The following LRRC38 variants were observed in gnomAD, a reference collection of about 807,000 sequenced individuals.
The protein encoded by LRRC38 is leucine rich repeat containing 38, also known as leucine-rich repeat-containing protein 38.
Under a neutral mutation model 16.4 loss-of-function variants are expected in LRRC38, and 5 were observed. The observed-to-expected ratio is 0.31, with a 90% confidence interval of 0.16 to 0.64. LRRC38 has a LOEUF of 0.64. LRRC38 is among the 30% of genes least tolerant of loss of function. LRRC38 has a pLI of 0.80. For missense variants in LRRC38, 341 were observed against 401.8 expected (o/e 0.85, Z 1.29); for synonymous variants, 191 against 190.2 (o/e 1.00, Z -0.04).
chr1:13,488,383 C>T (rs6678755), intron 1 of LRRC38, among the ~76,000 whole-genome samples: 123 of 151,834 alleles, frequency 8.1e-4, no homozygotes, highest in African/African-American at 2.5e-3. Flanking sequence ...GCAATTCTCC[C>T]GCCTCAGCCT....
rs1569917094 is a variant in LRRC38, at chr1:13,487,207, C to T, written c.632-11108G>A. 1.3e-5 allele frequency among the ~76,000 whole-genome samples: 2 copies of T among 152,202 alleles called. No homozygotes were observed. Among genetic ancestry groups the T allele is most frequent in the Non-Finnish European group, 2.9e-5 (2 of 68,038 alleles). Reference sequence around the variant, plus strand: ...AGTCAGAGTTGGCTTCTGTTGTTTACGCTCAAGATACCCAACCGATGGATT... The same window carrying T: ...AGTCAGAGTTGGCTTCTGTTGTTTATGCTCAAGATACCCAACCGATGGATT... On this transcript the variant is annotated intron_variant, in intron 1 of 1. Transcript: ENST00000376085. The surrounding 1 kb of genome is among the most constrained non-coding windows in gnomAD (Gnocchi z 4.4).
At chr1:13,495,646 A>G (rs1277622952) in intron 1 of LRRC38, among the ~76,000 whole-genome samples, 1 of 152,068 alleles carries the variant, frequency 6.6e-6, no homozygotes, top group Non-Finnish European at 1.5e-5. Flanking sequence ...CTGGGCAGAA[A>G]TCCCACCCAA....
chr1:13,495,748 G>C (rs891055605), intron 1 of LRRC38, among the ~76,000 whole-genome samples: 3 of 152,008 alleles, frequency 2.0e-5, no homozygotes, highest in Admixed American at 1.3e-4. Context: ...CCTCCCAAAG[G>C]CAGCTCATTT....
chr1:13,513,089 C>T lies in LRRC38; in HGVS notation c.505G>A (p.Val169Met). Residue 169 changes from valine (V) to methionine (M), a missense_variant, in exon 1 of 2, where the codon GTG becomes ATG. Val to Met is a conservative substitution (Grantham distance 21, BLOSUM62 1). Coordinates refer to ENST00000376085, the MANE Select transcript of LRRC38 (RefSeq NM_001010847.2). ...LNDNNLRSLS[V>M]AALAALPALR... The stretch of plus-strand genomic sequence containing the variant: ...GCGGGCAGCGCGGCCAGGGCGGCCA[C>T]GCTGAGGCTGCGCAGGTTGTTGTCG... 2.6e-6 allele frequency: 4 copies of T among 1,550,342 alleles called. No individual in the cohort carries two copies. The highest frequency in any genetic ancestry group is 2.6e-6 in the Non-Finnish European group (3 of 1,146,868).
At chr1:13,478,865 T>C (rs988583005) in intron 1 of LRRC38, among the ~76,000 whole-genome samples, 7 of 152,150 alleles carry the variant, frequency 4.6e-5, no homozygotes, top group Admixed American at 1.3e-4. Flanking sequence ...TTTTATGTAG[T>C]CTACAGCCAA....
At chr1:13,504,392 CAGAA>C (rs1417964474) in intron 1 of LRRC38, among the ~76,000 whole-genome samples, 2 of 152,026 alleles carry the variant, frequency 1.3e-5, no homozygotes, top group African/African-American at 2.4e-5. Context: ...GATAGGAAAA[CAGAA>C]AGCCCATCAA....
chr1:13,493,072 C>T (rs149928146), intron 1 of LRRC38, among the ~76,000 whole-genome samples: 35 of 152,340 alleles, frequency 2.3e-4, no homozygotes, highest in Non-Finnish European at 2.9e-4. Context: ...ATCTCACCCT[C>T]GGCTCACGAA....
rs1639291274 is a variant in LRRC38, at chr1:13,512,967, G to A, written c.627C>T (p.Pro209=). 1.6e-6 allele frequency: 2 copies of A among 1,224,584 alleles called. No individual in the cohort carries two copies. The allele number at this position is 1,224,584 out of a possible 1,614,324, so 75.9% of individuals were successfully genotyped here. ...AGCCTAGCCGGCTCGGCTCACCTTT[G>A]GGCAGTTTGGATGCGTTCTCCTGGA... is the stretch of plus-strand genomic sequence containing the variant. ...SWIQENASKL[P]KGLDEIQCSL... is the part of the protein sequence containing the mutation. The change falls in exon 1 of 2, where the codon CCC becomes CCT. Residue 209 remains proline, a synonymous_variant. Coordinates refer to ENST00000376085, the MANE Select transcript of LRRC38 (RefSeq NM_001010847.2).
intron 1 of LRRC38, among the ~76,000 whole-genome samples, chr1:13,502,797 G>A (rs1328156096): frequency 1.3e-5 from 2 of 152,200 alleles, no homozygotes; most frequent in Non-Finnish European, 2.9e-5. Context: ...TCAAGTGAAG[G>A]AGGTCCTGAC....
chr1:13,494,988 C>T (rs425097), intron 1 of LRRC38, among the ~76,000 whole-genome samples: 48,627 of 151,792 alleles, frequency 0.32, 7,964 homozygotes, highest in East Asian at 0.39. Flanking sequence ...TTAGCCCCTA[C>T]GAGGCCAGGT....
intron 1 of LRRC38, among the ~76,000 whole-genome samples, chr1:13,484,135 C>T (rs544517976): frequency 7.2e-5 from 11 of 152,230 alleles, no homozygotes; most frequent in Non-Finnish European, 1.3e-4. Context: ...GTTCCTCAAA[C>T]GCCCCGCGCA....
rs1638781254 is a variant in LRRC38 at position 13,475,887 on chromosome 1, T to C, written c.844A>G (p.Asn282Asp). 1 of 1,550,510 alleles carries C rather than the reference T, an allele frequency of 6.4e-7. No individual in the cohort carries two copies. The highest frequency in any genetic ancestry group is 8.7e-7 in the Non-Finnish European group (1 of 1,146,996). Residue 282 changes from asparagine (N) to aspartate (D), a missense_variant, in exon 2 of 2, where the codon AAC (asparagine) becomes GAC (aspartate). Asn to Asp is a conservative substitution (Grantham distance 23). Coordinates refer to ENST00000376085, the MANE Select transcript of LRRC38 (RefSeq NM_001010847.2). The surrounding 1 kb of genome is among the most constrained non-coding windows in gnomAD (Gnocchi z 4.3). ...VVQCLQRCAP[N>D]KDAEDEDEDK... is the part of the protein sequence containing the mutation. The stretch of plus-strand genomic sequence containing the variant: ...TCGTCTTCATCCTCCGCATCTTTGT[T>C]GGGTGCGCACCTCTGGAGGCACTGC...
chr1:13,486,152 T>A lies in LRRC38; in HGVS notation c.632-10053A>T, dbSNP rs188713330. On this transcript the variant is annotated intron_variant, in intron 1 of 1. Transcript: ENST00000376085. Reference sequence around the variant, plus strand: ...TGGGGTTTCGCCATATTGGCCAGGCTGGTCTCGAACTCTTCTGGTAGTTCT... The same window carrying A: ...TGGGGTTTCGCCATATTGGCCAGGCAGGTCTCGAACTCTTCTGGTAGTTCT... Among the ~76,000 whole-genome samples the A allele has an allele frequency of 3.6e-4, 55 of 152,314 alleles. No individual in the cohort carries two copies. The East Asian group carries it at 0.01, about 28-fold the overall frequency.
intron 1 of LRRC38, among the ~76,000 whole-genome samples, chr1:13,495,161 C>T (rs1175811466): frequency 1.3e-5 from 2 of 152,148 alleles, no homozygotes; most frequent in Admixed American, 6.5e-5. Context: ...GACAAATATT[C>T]ACGAAGGAAA....
intron 1 of LRRC38, among the ~76,000 whole-genome samples, chr1:13,479,710 C>T (rs1638829006): frequency 6.6e-6 from 1 of 152,178 alleles, no homozygotes; most frequent in East Asian, 1.9e-4. Context: ...GCTTTCATAG[C>T]TCACAAAGGG....
chr1:13,498,152 C>G (rs572825450), intron 1 of LRRC38, among the ~76,000 whole-genome samples: 19 of 151,664 alleles, frequency 1.3e-4, no homozygotes, highest in Non-Finnish European at 2.5e-4. Flanking sequence ...CGCCTGGAAT[C>G]GAGCAGATAA....
chr1:13,508,315 C>A (rs938599899), intron 1 of LRRC38, among the ~76,000 whole-genome samples: 1 of 152,194 alleles, frequency 6.6e-6, no homozygotes, highest in Non-Finnish European at 1.5e-5. Context: ...CACAGACTTT[C>A]CATGTGTAAG....
intron 1 of LRRC38, among the ~76,000 whole-genome samples, chr1:13,498,913 G>A (rs1400633088): frequency 6.6e-6 from 1 of 152,160 alleles, no homozygotes; most frequent in East Asian, 1.9e-4. Flanking sequence ...CCTCCCCACT[G>A]GCTCCGGTGG....
chr1:13,490,310 C>T (rs1442442768), intron 1 of LRRC38, among the ~76,000 whole-genome samples: 1 of 152,120 alleles, frequency 6.6e-6, no homozygotes, highest in African/African-American at 2.4e-5. Flanking sequence ...AGGCAGTTGC[C>T]ACCATGCCTG....
Sources: gnomAD v4.1 joint callset for allele counts (sites outside exome capture counted in the v4.1 genomes callset) on GRCh38, gnomAD v4.1.1 for gene constraint, Gnocchi (gnomAD v3.1) non-coding constraint, MANE v1.5 for transcripts, NCBI Gene and HGNC (gene_info 2026-07-23, HGNC 2026-07-21) for gene names.